The following CREB3 variants were observed in gnomAD, a reference collection of about 807,000 sequenced individuals.
CREB3 encodes the protein cyclic AMP-responsive element-binding protein 3.
CREB3 carries 29 observed loss-of-function variants against 34.5 expected under a neutral mutation model. That is an observed-to-expected ratio of 0.84 (90% CI 0.63 to 1.15). The LOEUF (loss-of-function observed/expected upper bound fraction) is 1.15, where lower values mean the gene tolerates loss of function less well. Ranked by LOEUF, CREB3 falls within the 50% of genes most tolerant of loss-of-function variation. The pLI is 0.00. For synonymous variants in CREB3, 187 were observed against 173.9 expected (o/e 1.08, Z -0.59); for missense variants, 447 against 443.4 (o/e 1.01, Z -0.07).
At position 35,736,082 on chromosome 9, in the gene CREB3, A is replaced by C; in HGVS notation, c.646A>C (p.Met216Leu). 6.2e-7 allele frequency: 1 copy of C among 1,614,108 alleles called. No homozygotes were observed. The highest frequency in any genetic ancestry group is 8.5e-7 in the Non-Finnish European group (1 of 1,179,992). ...AGATCAACTGAGGAAACTCCAGGCC[A>C]TGGTGATTGAGATATCAAACAAAAC... Reference protein sequence around the residue: ...LLDQLRKLQAMVIEISNKTSS... With the variant: ...LLDQLRKLQALVIEISNKTSS... Residue 216 changes from methionine to leucine, a missense_variant, in exon 7 of 9, where the codon ATG (methionine) becomes CTG (leucine). Met to Leu is a conservative substitution (Grantham distance 15). Transcript: ENST00000353704.
Position 35,736,706 on chromosome 9 carries a change from C to T in CREB3, c.1096C>T (p.Gln366Ter), listed in dbSNP as rs749886645. The T allele has an allele frequency of 1.8e-5, 29 of 1,609,106 alleles. No homozygotes were observed. The highest frequency in any genetic ancestry group is 2.4e-5 in the Non-Finnish European group (28 of 1,179,732). ...LPTGSPSVIL[Q>*]DRYSG ...TACTGGTAGCCCCTCTGTCATTTTG[C>T]AGGACAGATACTCAGGCTAGATATG... is the stretch of plus-strand genomic sequence containing the variant. The change falls in exon 9 of 9, where the codon CAG becomes TAG. Residue 366 changes from glutamine (Q) to a stop codon, truncating the protein, a stop_gained. Coordinates refer to ENST00000353704, the MANE Select transcript of CREB3 (RefSeq NM_006368.5). LOFTEE classifies it high-confidence loss of function.
At chr9:35,734,330 AAT>A (rs1340945590) in intron 4 of CREB3, among the ~76,000 whole-genome samples, 1 of 152,184 alleles carries the variant, frequency 6.6e-6, no homozygotes, top group Non-Finnish European at 1.5e-5. Context: ...AAACTGTAGC[AAT>A]AGAGTTATTG....
At position 35,736,921 on chromosome 9, in the gene CREB3, T is replaced by C. The variant is rs1826237397; in HGVS notation, c.*195T>C. On this transcript the variant is annotated 3_prime_UTR_variant, in exon 9 of 9. Transcript: ENST00000353704. ...GTGTCTGTCACACCATGAATGTACC[T>C]GGGGAAATCAACTGACCTCCCTGAA... is the stretch of plus-strand genomic sequence containing the variant. The C allele has an allele frequency of 2.7e-6, 2 of 731,022 alleles. No individual in the cohort carries two copies. The highest frequency in any genetic ancestry group is 2.2e-6 in the Non-Finnish European group (1 of 454,836). The allele number at this position is 731,022 out of a possible 1,614,324, so 45.3% of individuals were successfully genotyped here. A position where few individuals can be genotyped will look rare whatever the true frequency, so the allele number is the denominator to read the frequency against.
chr9:35,733,424 A>T lies in CREB3; in HGVS notation c.374A>T (p.Glu125Val). The change falls in exon 4 of 9, where the codon GAG becomes GTG. Residue 125 changes from glutamate (E) to valine (V), a missense_variant. Physicochemically the swap from Glu to Val is moderately radical, Grantham distance 121. Transcript: ENST00000353704. ...ATTGCTAGGCTAGTACTGACAGATG[A>T]GGAGAAGAGTCTATTGGAGAAGGAG... ...QEIARLVLTD[E>V]EKSLLEKEGL... 1.2e-6 allele frequency: 2 copies of T among 1,613,710 alleles called. No individual in the cohort carries two copies. Among genetic ancestry groups the T allele is most frequent in the Non-Finnish European group, 1.7e-6 (2 of 1,179,676 alleles).
chr9:35,736,787 T>C lies in CREB3; in HGVS notation c.*61T>C. The C allele has an allele frequency of 1.4e-6, 2 of 1,476,144 alleles. No homozygotes were observed. Among genetic ancestry groups the C allele is most frequent in the Non-Finnish European group, 1.8e-6 (2 of 1,090,872 alleles). The allele number at this position is 1,476,144 out of a possible 1,614,324, so 91.4% of individuals were successfully genotyped here. A position where few individuals can be genotyped will look rare whatever the true frequency, so the allele number is the denominator to read the frequency against. On this transcript the variant is annotated 3_prime_UTR_variant, in exon 9 of 9. Coordinates refer to ENST00000353704, the MANE Select transcript of CREB3 (RefSeq NM_006368.5). Reference sequence around the variant, plus strand: ...GGGGGGCTCCCCATCTGTGTCCAAATAAAAAGCGGTGGGCAAGGGCTGGCC... The same window carrying C: ...GGGGGGCTCCCCATCTGTGTCCAAACAAAAAGCGGTGGGCAAGGGCTGGCC...
chr9:35,735,942 A>G, intron 6 of CREB3, 106 bp from the exon 7 acceptor site: 1 of 811,260 alleles, frequency 1.2e-6, no homozygotes, highest in African/African-American at 1.7e-5. Context: ...AAAGTAAGAG[A>G]GAGGATCCAG....
Position 35,733,392 on chromosome 9 carries a change from C to T in CREB3, c.346-4C>T, listed in dbSNP as rs555855280. 2.0e-4 allele frequency: 326 copies of T among 1,613,340 alleles called. 1 individual carries two copies. The South Asian group carries it at 3.4e-3, about 17-fold the overall frequency. ...AACTGCCGTCCACTTTCTTGTTACCCTAGGAGATTGCTAGGCTAGTACTGA... is the reference window on the plus strand; with the variant it reads ...AACTGCCGTCCACTTTCTTGTTACCTTAGGAGATTGCTAGGCTAGTACTGA... On this transcript the variant is annotated splice_region_variant and splice_polypyrimidine_tract_variant and intron_variant, in intron 3 of 8. Coordinates refer to ENST00000353704, the MANE Select transcript of CREB3 (RefSeq NM_006368.5).
Position 35,736,853 on chromosome 9 carries a change from ACAC to A in CREB3, c.*131_*133del. ...TGTCAGGACGACTGAGGGCTCAAACACACCACACTTAATGGCTTTCTGGGTCTT... is the reference window on the plus strand; with the variant it reads ...TGTCAGGACGACTGAGGGCTCAAACACACACTTAATGGCTTTCTGGGTCTT... On this transcript the variant is annotated 3_prime_UTR_variant, in exon 9 of 9. Coordinates refer to ENST00000353704, the MANE Select transcript of CREB3 (RefSeq NM_006368.5). The A allele has an allele frequency of 1.1e-6, 1 of 875,906 alleles. No homozygotes were observed. The highest frequency in any genetic ancestry group is 1.8e-6 in the Non-Finnish European group (1 of 568,504). 54.3% of individuals were successfully genotyped at this position (875,906 alleles called of 1,614,324 possible). A position where few individuals can be genotyped will look rare whatever the true frequency, so the allele number is the denominator to read the frequency against.
chr9:35,734,449 C>CTTT, intron 4 of CREB3, among the ~76,000 whole-genome samples: 1 of 146,598 alleles, frequency 6.8e-6, no homozygotes. Context: ...AAAATTTTGT[C>CTTT]TTTTTTTTTT....
chr9:35,734,476 A>C (rs1414087537), intron 4 of CREB3, among the ~76,000 whole-genome samples: 1 of 152,044 alleles, frequency 6.6e-6, no homozygotes. Flanking sequence ...AGCTCTGAGG[A>C]AATGTTAAGT....
At chr9:35,734,134 C>T (rs529996290) in intron 4 of CREB3, among the ~76,000 whole-genome samples, 1 of 151,996 alleles carries the variant, frequency 6.6e-6, no homozygotes, top group African/African-American at 2.4e-5. Flanking sequence ...CTACCCTGCC[C>T]GGCAATTTTT....
Position 35,732,828 on chromosome 9 carries a change from A to G in CREB3, c.56A>G (p.Glu19Gly). 6.2e-7 allele frequency: 1 copy of G among 1,614,146 alleles called. No homozygotes were observed. Among genetic ancestry groups the G allele is most frequent in the Non-Finnish European group, 8.5e-7 (1 of 1,180,020 alleles). ...DQDLLAFLLE[E>G]SGDLGTAPDE... Reference sequence around the variant, plus strand: ...GACCTGCTGGCCTTCCTGCTAGAGGAAAGTGGAGATTTGGGGACGGCACCC... The same window carrying G: ...GACCTGCTGGCCTTCCTGCTAGAGGGAAGTGGAGATTTGGGGACGGCACCC... Residue 19 changes from glutamate (E) to glycine (G), a missense_variant, in exon 1 of 9, where the codon GAA becomes GGA. Coordinates refer to ENST00000353704, the MANE Select transcript of CREB3 (RefSeq NM_006368.5). The surrounding 1 kb of genome is among the most constrained non-coding windows in gnomAD (Gnocchi z 5.1).
At chr9:35,734,596 T>G (rs751310538) in intron 4 of CREB3, among the ~76,000 whole-genome samples, 4 of 152,146 alleles carry the variant, frequency 2.6e-5, no homozygotes, top group Non-Finnish European at 5.9e-5. Context: ...TAAGGAAGTT[T>G]TTATTTGCTT....
At chr9:35,735,847 T>A (rs1269409254) in intron 6 of CREB3, among the ~76,000 whole-genome samples, 2 of 151,258 alleles carry the variant, frequency 1.3e-5, no homozygotes, top group African/African-American at 4.9e-5. Flanking sequence ...GTTTTGTTTT[T>A]GCTTTTTGTT....
At position 35,735,341 on chromosome 9, in the gene CREB3, A is replaced by G. The variant is rs765725214; in HGVS notation, c.578A>G (p.Gln193Arg). ...TACACAGCCCAGAATATGGAGCTTC[A>G]GAACAAAGTACAGCTTCTGGAGGAA... ...LKYTAQNMELQNKVQLLEEQN... is the reference protein window; with the variant it reads ...LKYTAQNMELRNKVQLLEEQN... Residue 193 changes from glutamine (Q) to arginine (R), a missense_variant, in exon 6 of 9, where the codon CAG becomes CGG. Physicochemically the swap from Gln to Arg is conservative, Grantham distance 43. Transcript: ENST00000353704. 6.2e-7 allele frequency: 1 copy of G among 1,614,154 alleles called. No homozygotes were observed. The highest frequency in any genetic ancestry group is 8.5e-7 in the Non-Finnish European group (1 of 1,180,006).
In CREB3 at chr9:35,732,917, G is replaced by C. The variant is rs756907253; in HGVS notation, c.129+16G>C. 2 of 1,613,348 alleles carry C rather than the reference G, an allele frequency of 1.2e-6. No individual in the cohort carries two copies. The highest frequency in any genetic ancestry group is 1.7e-6 in the Non-Finnish European group (2 of 1,179,506). ...GCTTTCTGAGGTAGGTTGGGGTTCTGACTGGGGAAAGCGTGGGATGTCCAT... is the reference window on the plus strand; with the variant it reads ...GCTTTCTGAGGTAGGTTGGGGTTCTCACTGGGGAAAGCGTGGGATGTCCAT... On this transcript the variant is annotated intron_variant, in intron 1 of 8. Transcript: ENST00000353704. This position sits in a 1 kb window ranked among gnomAD's most constrained non-coding sequence, Gnocchi z 5.1.
intron 6 of CREB3, 119 bp downstream of exon 6, chr9:35,735,493 C>T (rs1339607145): frequency 2.3e-6 from 2 of 852,500 alleles, no homozygotes; most frequent in Non-Finnish European, 3.9e-6. Flanking sequence ...TCTCTGATTC[C>T]AAGAAGCTCC....
At position 35,736,137 on chromosome 9, in the gene CREB3, G is replaced by A. The variant is rs368850860; in HGVS notation, c.696+5G>A. 7.3e-5 allele frequency: 117 copies of A among 1,613,662 alleles called. No individual in the cohort carries two copies. Among genetic ancestry groups the A allele is most frequent in the Non-Finnish European group, 9.2e-5 (108 of 1,179,650 alleles). The stretch of plus-strand genomic sequence containing the variant: ...AGCAGCAGCACCTGCATCTTGGTGA[G>A]GATGGTGATGAGGGGAGAAATCCTT... On this transcript the variant is annotated splice_donor_5th_base_variant and intron_variant, in intron 7 of 8. Coordinates refer to ENST00000353704, the MANE Select transcript of CREB3 (RefSeq NM_006368.5).
chr9:35,736,735 A>G lies in CREB3; in HGVS notation c.*9A>G, dbSNP rs367990522. On this transcript the variant is annotated 3_prime_UTR_variant, in exon 9 of 9. Coordinates refer to ENST00000353704, the MANE Select transcript of CREB3 (RefSeq NM_006368.5). Reference sequence around the variant, plus strand: ...ACAGATACTCAGGCTAGATATGAGGATATGTGGGGGGTCTCAGCAGGAGCC... The same window carrying G: ...ACAGATACTCAGGCTAGATATGAGGGTATGTGGGGGGTCTCAGCAGGAGCC... 6.2e-5 allele frequency: 99 copies of G among 1,593,694 alleles called. No homozygotes were observed. The African/African-American group carries it at 1.2e-3, about 19-fold the overall frequency.
Sources: gnomAD v4.1 joint callset for allele counts (sites outside exome capture counted in the v4.1 genomes callset) on GRCh38, gnomAD v4.1.1 for gene constraint, Gnocchi (gnomAD v3.1) non-coding constraint, MANE v1.5 for transcripts, NCBI Gene and HGNC (gene_info 2026-07-23, HGNC 2026-07-21) for gene names.